CDH13: variants seen among roughly 807,000 people sequenced by gnomAD.
CDH13 encodes cadherin-13.
A neutral mutation model predicts 63.8 loss-of-function variants in CDH13; 24 were observed. The observed-to-expected ratio is 0.38, with a 90% CI of 0.27 to 0.53. The LOEUF is 0.53. CDH13 is among the 20% of genes least tolerant of loss of function. CDH13 has a pLI of 0.85. For missense variants in CDH13, 1,049 were observed against 903.1 expected (o/e 1.16, Z -2.07); for synonymous variants, 503 against 355.3 (o/e 1.42, Z -4.67).
At chr16:82,997,146 G>C (rs947225187) in intron 2 of CDH13, among the ~76,000 whole-genome samples, 3 of 151,258 alleles carry the variant, frequency 2.0e-5, no homozygotes, top group African/African-American at 7.3e-5. Context: ...GGTGATGATG[G>C]TGATGATGGT....
At chr16:82,863,698 T>G (rs778421588) in intron 2 of CDH13, among the ~76,000 whole-genome samples, 11 of 152,228 alleles carry the variant, frequency 7.2e-5, no homozygotes, top group Non-Finnish European at 1.0e-4. Flanking sequence ...TTATTATCAT[T>G]ACTTTCATTC....
chr16:83,235,188 G>C (rs2040108774), intron 5 of CDH13, among the ~76,000 whole-genome samples: 1 of 152,166 alleles, frequency 6.6e-6, no homozygotes, highest in African/African-American at 2.4e-5. Context: ...CTGGGTAACA[G>C]AGTGAGACCC....
intron 3 of CDH13, among the ~76,000 whole-genome samples, chr16:83,045,989 G>A (rs570273848): frequency 4.1e-4 from 63 of 152,374 alleles, no homozygotes; most frequent in African/African-American, 1.4e-3. Flanking sequence ...TGGCCTGGGA[G>A]TGATGTGTGA....
intron 5 of CDH13, among the ~76,000 whole-genome samples, chr16:83,296,225 CT>C (rs1301431040): frequency 6.6e-6 from 1 of 152,134 alleles, no homozygotes; most frequent in Non-Finnish European, 1.5e-5. Context: ...TCCTTAGTTG[CT>C]TTTCTCATTT....
chr16:83,512,135 C>A (rs1447693718), intron 7 of CDH13, among the ~76,000 whole-genome samples: 1 of 145,970 alleles, frequency 6.9e-6, no homozygotes, highest in Non-Finnish European at 1.5e-5. Context: ...TCCTGGCTAA[C>A]ACGGTGAAAC....
At chr16:83,432,091 C>A (rs1475403901) in intron 6 of CDH13, among the ~76,000 whole-genome samples, 2 of 152,160 alleles carry the variant, frequency 1.3e-5, no homozygotes, top group Admixed American at 1.3e-4. Flanking sequence ...GGGATAGTGT[C>A]TTGGACTTCA....
intron 11 of CDH13, among the ~76,000 whole-genome samples, chr16:83,750,102 C>T (rs536903853): frequency 6.6e-6 from 1 of 152,050 alleles, no homozygotes; most frequent in Non-Finnish European, 1.5e-5. Context: ...TTGAGACCAG[C>T]CTGGCCAATA....
intron 7 of CDH13, among the ~76,000 whole-genome samples, chr16:83,589,651 A>G (rs1906541860): frequency 1.3e-5 from 2 of 152,134 alleles, no homozygotes; most frequent in Non-Finnish European, 2.9e-5. Context: ...GGTGGCATTT[A>G]GAGCTCACTT....
At chr16:83,027,140 A>G (rs994227981) in intron 2 of CDH13, among the ~76,000 whole-genome samples, 5 of 101,690 alleles carry the variant, frequency 4.9e-5, no homozygotes, top group Admixed American at 4.4e-4. Context: ...ATCCTCTACC[A>G]TTACTAAATC....
At chr16:83,055,387 AAAAAAAG>A (rs2030816115) in intron 3 of CDH13, among the ~76,000 whole-genome samples, 1 of 148,750 alleles carries the variant, frequency 6.7e-6, no homozygotes, top group African/African-American at 2.5e-5. Context: ...AATTAAGAAA[AAAAAAAG>A]AAAAGACACT....
At chr16:83,637,367 C>G (rs1336810671) in intron 8 of CDH13, among the ~76,000 whole-genome samples, 1 of 74,878 alleles carries the variant, frequency 1.3e-5, no homozygotes, top group East Asian at 6.8e-4. Context: ...TCTGAGGTAC[C>G]GGGTTCATCT....
At chr16:83,652,336 G>A (rs774069920) in intron 8 of CDH13, among the ~76,000 whole-genome samples, 5 of 152,218 alleles carry the variant, frequency 3.3e-5, no homozygotes, top group Non-Finnish European at 7.3e-5. Flanking sequence ...GTGCTGTGGT[G>A]TTAGCATCAC....
At chr16:83,406,440 C>T (rs2092048052) in intron 6 of CDH13, among the ~76,000 whole-genome samples, 1 of 145,082 alleles carries the variant, frequency 6.9e-6, no homozygotes, top group Non-Finnish European at 1.5e-5. Flanking sequence ...CTCTCTCTGT[C>T]TCTCTCCCCT....
chr16:83,738,911 A>G (rs1911793626), intron 10 of CDH13, among the ~76,000 whole-genome samples: 1 of 152,188 alleles, frequency 6.6e-6, no homozygotes, highest in African/African-American at 2.4e-5. Context: ...GTCTGAAAAC[A>G]AAAAGGGGGG....
intron 7 of CDH13, among the ~76,000 whole-genome samples, chr16:83,536,044 T>C (rs79752421): frequency 0.018 from 2,709 of 152,196 alleles, 29 homozygotes; most frequent in Middle Eastern, 0.054. Flanking sequence ...AGAGTAGTCA[T>C]TGAAAAATTC....
chr16:82,661,976 CAGG>C (rs1912001210), intron 1 of CDH13, among the ~76,000 whole-genome samples: 1 of 152,168 alleles, frequency 6.6e-6, no homozygotes, highest in African/African-American at 2.4e-5. Flanking sequence ...GTCTTGATCA[CAGG>C]AGAGGAATTT....
chr16:83,125,307 A>C, intron 3 of CDH13, 78 bp from the exon 4 acceptor site: 2 of 794,558 alleles, frequency 2.5e-6, no homozygotes, highest in Non-Finnish European at 4.3e-6. Context: ...TTTCCCAACA[A>C]AGGAACTCTA....
rs530635058 is a variant in CDH13, at chr16:83,022,051, C to G, written c.158-9959C>G. Among the ~76,000 whole-genome samples, 144 of 152,240 alleles carry G rather than the reference C, an allele frequency of 9.5e-4. 1 individual carries two copies. Among genetic ancestry groups the G allele is most frequent in the African/African-American group, 3.4e-3 (140 of 41,536 alleles). On this transcript the variant is annotated intron_variant, in intron 2 of 13. Transcript: ENST00000567109. ...TCCTGTTTCTTCCATTTGGACCAGT[C>G]TAAAGAGACTCTGGACTAAGCCCTG...
intron 3 of CDH13, among the ~76,000 whole-genome samples, chr16:83,039,875 A>G (rs1374939618): frequency 6.6e-6 from 1 of 152,124 alleles, no homozygotes; most frequent in Non-Finnish European, 1.5e-5. Context: ...CCCTATGGTC[A>G]GCACCATTGA....
Sources: allele counts gnomAD v4.1 joint callset (sites outside exome capture counted in the v4.1 genomes callset), GRCh38; gene constraint gnomAD v4.1.1; transcripts MANE v1.5; gene names NCBI Gene and HGNC (gene_info 2026-07-23, HGNC 2026-07-21).